Variants in MLLT6 observed in about 807,000 individuals in gnomAD.
MLLT6 encodes the protein protein AF-17.
Under a neutral mutation model 103.0 loss-of-function variants are expected in MLLT6, and 22 were observed. The observed-to-expected ratio is 0.21, with a 90% CI of 0.15 to 0.31. The LOEUF is 0.31. Among genes scored for constraint, MLLT6 ranks in the 10% least tolerant of loss-of-function variants. The pLI is 1.00. For missense variants in MLLT6, 1,199 were observed against 1,441.7 expected, an observed-to-expected ratio of 0.83 and a Z score of 2.73; for synonymous variants, 606 against 623.5, an observed-to-expected ratio of 0.97 and a Z score of 0.42.
At chr17:38,708,194 G>C in intron 4 of MLLT6, 1 of 385,532 alleles carries the variant, frequency 2.6e-6, no homozygotes, top group Non-Finnish European at 4.8e-6. Flanking sequence ...GGCACACGCT[G>C]TTCGGTGCTG....
At position 38,707,806 on chromosome 17, in the gene MLLT6, A is replaced by G. The variant is rs56858873; in HGVS notation, c.288A>G (p.Gln96=). The part of the protein sequence containing the change: ...VVCALYIPEV[Q]FANVLTMEPI... ...GTGCCCTCTACATCCCCGAGGTGCA[A>G]TTTGCCAACGTGCTCACCATGGAGC... is the stretch of plus-strand genomic sequence containing the variant. Residue 96 remains glutamine (Q), a synonymous_variant, in exon 4 of 20, where the codon CAA becomes CAG. Coordinates refer to ENST00000621332, the MANE Select transcript of MLLT6 (RefSeq NM_005937.4). 1,012 of 1,613,866 alleles carry G rather than the reference A, an allele frequency of 6.3e-4. 8 individuals carry two copies. The African/African-American group carries it at 0.011, about 17-fold the overall frequency.
chr17:38,705,381 T>TG lies in MLLT6; in HGVS notation c.-251dup, dbSNP rs1411025731. On this transcript the variant is annotated 5_prime_UTR_variant, in exon 1 of 20. Coordinates refer to ENST00000621332, the MANE Select transcript of MLLT6 (RefSeq NM_005937.4). ...GAGCCCGGCGTGCGAGTCTCATTGT[T>TG]GTGGGGGGGGCCCGTCGGGGCATGA... 1.8e-5 allele frequency among the ~76,000 whole-genome samples: 2 copies of TG among 113,510 alleles called. No homozygotes were observed. Among genetic ancestry groups the TG allele is most frequent in the East Asian group, 2.8e-4 (1 of 3,600 alleles). 74.5% of individuals were successfully genotyped at this position (113,510 alleles called of 152,430 possible). A position where few individuals can be genotyped will look rare whatever the true frequency, so the allele number is the denominator to read the frequency against.
At chr17:38,718,830 C>T (rs1905504989) in intron 12 of MLLT6, 1 of 152,272 alleles carries the variant, frequency 6.6e-6, no homozygotes, top group South Asian at 2.1e-4. Flanking sequence ...AGGGAGACCA[C>T]CTGTCAGGCT....
At position 38,720,441 on chromosome 17, in the gene MLLT6, G is replaced by T; in HGVS notation, c.2225G>T (p.Ser742Ile). The change falls in exon 15 of 20, where the codon AGC becomes ATC. Residue 742 changes from serine to isoleucine, a missense_variant. Ser to Ile is a moderately radical substitution (Grantham distance 142). This residue lies in a region of MLLT6 where 1,034 missense variants were observed against 1,091.5 expected (regional missense o/e 0.95). Coordinates refer to ENST00000621332, the MANE Select transcript of MLLT6 (RefSeq NM_005937.4). ...CAGCGGCTGCAAGAGCAGATCCTGA[G>T]CCTGACGGCCAAAAAGGAGCGGCTG... ...ENQRLQEQILSLTAKKERLQI... is the reference protein window; with the variant it reads ...ENQRLQEQILILTAKKERLQI... 1 of 1,612,898 alleles carries T rather than the reference G, an allele frequency of 6.2e-7. No individual in the cohort carries two copies. Among genetic ancestry groups the T allele is most frequent in the Non-Finnish European group, 8.5e-7 (1 of 1,179,982 alleles).
rs368585036 is a variant in MLLT6 at position 38,707,478 on chromosome 17, A to G, written c.190-8A>G. The G allele has an allele frequency of 6.2e-7, 1 of 1,614,084 alleles. No individual in the cohort carries two copies. Among genetic ancestry groups the G allele is most frequent in the Non-Finnish European group, 8.5e-7 (1 of 1,179,984 alleles). On this transcript the variant is annotated splice_polypyrimidine_tract_variant and splice_region_variant and intron_variant, in intron 2 of 19. Coordinates refer to ENST00000621332, the MANE Select transcript of MLLT6 (RefSeq NM_005937.4). Reference sequence around the variant, plus strand: ...TCCCCCAACCCCTGTGCACTCTTGCATTGGCAGAGGTGTGAGCTGTGCCCA... The same window carrying G: ...TCCCCCAACCCCTGTGCACTCTTGCGTTGGCAGAGGTGTGAGCTGTGCCCA...
rs199652890 is a variant in MLLT6 at position 38,725,541 on chromosome 17, C to G, written c.3241-16C>G. ...GACACTTTCCACACCCCCGGCCTCC[C>G]TCCCTCTCTTTCCAGACCGCTGACA... On this transcript the variant is annotated splice_polypyrimidine_tract_variant and intron_variant, in intron 19 of 19. Transcript: ENST00000621332. The G allele has an allele frequency of 6.2e-7, 1 of 1,607,292 alleles. No homozygotes were observed. Among genetic ancestry groups the G allele is most frequent in the Non-Finnish European group, 8.5e-7 (1 of 1,177,110 alleles).
chr17:38,718,086 A>C, intron 12 of MLLT6, 133 bp downstream of exon 12: 1 of 653,834 alleles, frequency 1.5e-6, no homozygotes, highest in Non-Finnish European at 2.7e-6. Context: ...CCCTGCAAAA[A>C]CAAACAGGCC....
At chr17:38,707,626 C>T (rs1486952941) in intron 3 of MLLT6, 86 bp downstream of exon 3, 27 of 1,439,122 alleles carry the variant, frequency 1.9e-5, no homozygotes, top group African/African-American at 2.8e-5. Flanking sequence ...GGGTGGAGGC[C>T]GGGTTTCCTT....
Position 38,705,340 on chromosome 17 carries a change from G to A in MLLT6, c.-293G>A, listed in dbSNP as rs1452659713. ...CGGGGCGGCCCTAGGAGCCGGGCGA[G>A]CGGCGCGGAGGGGGCGAGCCCGGCG... On this transcript the variant is annotated 5_prime_UTR_variant, in exon 1 of 20. Transcript: ENST00000621332. Among the ~76,000 whole-genome samples the A allele has an allele frequency of 6.7e-6, 1 of 148,472 alleles. No individual in the cohort carries two copies. Among genetic ancestry groups the A allele is most frequent in the Non-Finnish European group, 1.5e-5 (1 of 66,522 alleles).
intron 19 of MLLT6, 191 bp downstream of exon 19, chr17:38,725,167 G>A (rs1439552193): frequency 5.3e-6 from 3 of 561,530 alleles, no homozygotes; most frequent in Non-Finnish European, 9.4e-6. Flanking sequence ...AGAAAGATCC[G>A]ATCTGAGCAT....
At chr17:38,708,107 C>G (rs959675068) in intron 4 of MLLT6, 1 of 553,894 alleles carries the variant, frequency 1.8e-6, no homozygotes, top group African/African-American at 1.9e-5. Context: ...TAGACCTTCG[C>G]AGTTACTTCA....
chr17:38,715,726 G>T lies in MLLT6; in HGVS notation c.934G>T (p.Gly312Trp), dbSNP rs751869146. ...TTCCAGCCATAGCCTGAGTCATAAA[G>T]GGAAGAAACTGAGCAGTGGGAAAGG... ...KSSSHSLSHK[G>W]KKLSSGKGVS... Residue 312 changes from glycine (G) to tryptophan (W), a missense_variant, in exon 9 of 20, where the codon GGG (glycine) becomes TGG (tryptophan). Coordinates refer to ENST00000621332, the MANE Select transcript of MLLT6 (RefSeq NM_005937.4). The T allele has an allele frequency of 6.2e-7, 1 of 1,614,052 alleles. No homozygotes were observed. Among genetic ancestry groups the T allele is most frequent in the African/African-American group, 1.3e-5 (1 of 74,930 alleles).
At chr17:38,720,308 C>G (rs1326476499) in intron 14 of MLLT6, 64 bp from the exon 15 acceptor site, 1 of 664,060 alleles carries the variant, frequency 1.5e-6, no homozygotes. Context: ...AGGCCCCGCC[C>G]CCGGTCCCCT....
In MLLT6 at chr17:38,716,472, C is replaced by G; in HGVS notation, c.1142C>G (p.Pro381Arg). Residue 381 changes from proline (P) to arginine (R), a missense_variant, in exon 10 of 20, where the codon CCT (proline) becomes CGT (arginine). Transcript: ENST00000621332. The surrounding 1 kb of genome is among the most constrained non-coding windows in gnomAD (Gnocchi z 5.6). The part of the protein sequence containing the change: ...KPTAPAPSAP[P>R]SPSAPEPPKA... ...ACAGCCCCCGCCCCTTCAGCCCCTCCTTCTCCCTCAGCTCCCGAGCCCCCC... is the reference window on the plus strand; with the variant it reads ...ACAGCCCCCGCCCCTTCAGCCCCTCGTTCTCCCTCAGCTCCCGAGCCCCCC... 6.2e-7 allele frequency: 1 copy of G among 1,614,128 alleles called. No individual in the cohort carries two copies. The highest frequency in any genetic ancestry group is 8.5e-7 in the Non-Finnish European group (1 of 1,179,974).
chr17:38,722,486 GTTC>G (rs906229927), intron 17 of MLLT6, among the ~76,000 whole-genome samples, 189 bp from the exon 18 acceptor site: 3 of 152,286 alleles, frequency 2.0e-5, no homozygotes, highest in Admixed American at 1.3e-4. Context: ...TTCTGGGACA[GTTC>G]TTCTAAATCA....
chr17:38,712,845 G>T, intron 8 of MLLT6, 56 bp downstream of exon 8: 1 of 1,336,474 alleles, frequency 7.5e-7, no homozygotes, highest in South Asian at 1.2e-5. Flanking sequence ...GGCAGAGGGA[G>T]GGAGGCGGGG....
intron 16 of MLLT6, 109 bp from the exon 17 acceptor site, chr17:38,721,769 G>A: frequency 1.5e-6 from 1 of 672,164 alleles, no homozygotes; most frequent in Non-Finnish European, 2.3e-6. Flanking sequence ...GGGTGCCTGG[G>A]GGTGAAGTGG....
In MLLT6 at chr17:38,728,941, A is replaced by C. The variant is rs531847630; in HGVS notation, c.*3343A>C. 1 of 233,830 alleles carries C rather than the reference A, an allele frequency of 4.3e-6. No individual in the cohort carries two copies. Among genetic ancestry groups the C allele is most frequent in the South Asian group, 1.8e-4 (1 of 5,530 alleles). 14.5% of individuals were successfully genotyped at this position (233,830 alleles called of 1,614,324 possible). On this transcript the variant is annotated 3_prime_UTR_variant, in exon 20 of 20. Coordinates refer to ENST00000621332, the MANE Select transcript of MLLT6 (RefSeq NM_005937.4). ...CTATTTGTGGGGTATTTTCCCCCTC[A>C]GGCTCCTGGGTCTGCTGCTGCCTCA...
chr17:38,715,726 G>A lies in MLLT6; in HGVS notation c.934G>A (p.Gly312Arg), dbSNP rs751869146. 3.2e-5 allele frequency: 51 copies of A among 1,614,052 alleles called. No homozygotes were observed. Among genetic ancestry groups the A allele is most frequent in the Non-Finnish European group, 4.2e-5 (49 of 1,180,036 alleles). ...KSSSHSLSHKGKKLSSGKGVS... is the reference protein window; with the variant it reads ...KSSSHSLSHKRKKLSSGKGVS... ...TTCCAGCCATAGCCTGAGTCATAAA[G>A]GGAAGAAACTGAGCAGTGGGAAAGG... Residue 312 changes from glycine to arginine, a missense_variant, in exon 9 of 20, where the codon GGG becomes AGG. Gly to Arg is a moderately radical substitution (Grantham distance 125). Around this residue, in one of 7 missense-constraint regions of MLLT6, gnomAD observed 1,034 missense variants for 1,091.5 expected, o/e 0.95. Coordinates refer to ENST00000621332, the MANE Select transcript of MLLT6 (RefSeq NM_005937.4).
Sources: gnomAD v4.1 joint callset for allele counts (sites outside exome capture counted in the v4.1 genomes callset) on GRCh38, gnomAD v4.1.1 for gene constraint, gnomAD v4.1.1 regional missense constraint, Gnocchi (gnomAD v3.1) non-coding constraint, MANE v1.5 for transcripts, NCBI Gene and HGNC (gene_info 2026-07-23, HGNC 2026-07-21) for gene names.